Variants in ALOX5AP observed in about 807,000 individuals in gnomAD.
The protein encoded by ALOX5AP is arachidonate 5-lipoxygenase activating protein.
Under a neutral mutation model 18.5 loss-of-function variants are expected in ALOX5AP, and 9 were observed. The ratio of observed to expected loss-of-function variants is 0.49; its 90% CI spans 0.29 to 0.85. The LOEUF (loss-of-function observed/expected upper bound fraction) is 0.85. ALOX5AP is among the 40% of genes least tolerant of loss of function. The pLI, the probability that ALOX5AP is intolerant of heterozygous loss-of-function variation, is 0.08. For synonymous variants in ALOX5AP, 81 were observed against 78.6 expected (o/e 1.03, Z -0.16); for missense variants, 172 against 202.5 (o/e 0.85, Z 0.91).
At chr13:30,760,926 A>G (rs1951936900) in intron 4 of ALOX5AP, among the ~76,000 whole-genome samples, 1 of 152,148 alleles carries the variant, frequency 6.6e-6, no homozygotes, top group African/African-American at 2.4e-5. Context: ...AAATAGAAAC[A>G]TGAAAGAGAT....
chr13:30,714,904 C>A (rs9579637), intron 1 of ALOX5AP, among the ~76,000 whole-genome samples: 11 of 152,032 alleles, frequency 7.2e-5, no homozygotes, highest in Admixed American at 6.6e-5. Context: ...ATCATATTAC[C>A]CACTGTACTC....
chr13:30,756,976 A>T (rs1419285842), intron 4 of ALOX5AP, among the ~76,000 whole-genome samples: 1 of 152,326 alleles, frequency 6.6e-6, no homozygotes, highest in East Asian at 1.9e-4. Context: ...AGTAAAATAC[A>T]TGCTAATACT....
At chr13:30,729,497 T>C (rs1040700475) in intron 1 of ALOX5AP, among the ~76,000 whole-genome samples, 2 of 152,120 alleles carry the variant, frequency 1.3e-5, no homozygotes, top group East Asian at 1.9e-4. Flanking sequence ...GCCATGCCCA[T>C]GACTGACCTC....
At chr13:30,723,294 G>A (rs1951608642) in intron 1 of ALOX5AP, among the ~76,000 whole-genome samples, 1 of 152,212 alleles carries the variant, frequency 6.6e-6, no homozygotes, top group South Asian at 2.1e-4. Flanking sequence ...CATAAGGTCT[G>A]TGTCTAGATT....
intron 1 of ALOX5AP, among the ~76,000 whole-genome samples, chr13:30,716,876 A>G (rs948768043): frequency 6.6e-6 from 1 of 152,256 alleles, no homozygotes. Flanking sequence ...CACACAGCAC[A>G]GAGTCCAGGA....
intron 3 of ALOX5AP, among the ~76,000 whole-genome samples, chr13:30,755,530 C>T (rs184755607): frequency 3.5e-4 from 53 of 152,268 alleles, no homozygotes; most frequent in African/African-American, 1.2e-3. Flanking sequence ...CAGGAGTGTC[C>T]AGTCTTTTGG....
At chr13:30,732,833 AAG>A (rs375319951), upstream of ALOX5AP, among the ~76,000 whole-genome samples, 74 of 152,040 alleles carry the variant, frequency 4.9e-4, no homozygotes, top group African/African-American at 1.7e-3. Flanking sequence ...AGAGAAGGGA[AAG>A]AGAGAGAGAA....
At chr13:30,751,903 C>A in intron 2 of ALOX5AP, 149 bp from the exon 3 acceptor site, 1 of 740,498 alleles carries the variant, frequency 1.4e-6, no homozygotes, top group Non-Finnish European at 2.2e-6. Flanking sequence ...GCTGCCCCAT[C>A]TTATTGGGTA....
intron 4 of ALOX5AP, among the ~76,000 whole-genome samples, chr13:30,761,713 C>G (rs1951943227): frequency 6.6e-6 from 1 of 152,168 alleles, no homozygotes; most frequent in African/African-American, 2.4e-5. Flanking sequence ...CAGCCTCTCT[C>G]CTTGGCTTAT....
intron 2 of ALOX5AP, among the ~76,000 whole-genome samples, chr13:30,746,572 T>C (rs1593439309): frequency 6.6e-6 from 1 of 152,204 alleles, no homozygotes; most frequent in Non-Finnish European, 1.5e-5. Context: ...AGGCAGCTGG[T>C]CTGTTTGCCT....
At chr13:30,740,215 G>A (rs9670460) in intron 1 of ALOX5AP, among the ~76,000 whole-genome samples, 6,247 of 152,188 alleles carry the variant, frequency 0.041, 421 homozygotes, top group African/African-American at 0.14. Flanking sequence ...TTATTTTTTT[G>A]AGAACTATGT....
At chr13:30,752,801 T>C (rs1191662689) in intron 3 of ALOX5AP, among the ~76,000 whole-genome samples, 2 of 152,212 alleles carry the variant, frequency 1.3e-5, no homozygotes, top group Non-Finnish European at 2.9e-5. Flanking sequence ...TTAAGACTTA[T>C]TGTTGTCTCC....
rs764814001 is a variant in ALOX5AP, at chr13:30,735,609, G to A, written c.4G>A (p.Asp2Asn). The change falls in exon 1 of 5, where the codon GAT becomes AAT. Residue 2 changes from aspartate to asparagine, a missense_variant. Physicochemically the swap from Asp to Asn is conservative, Grantham distance 23. Coordinates refer to ENST00000380490, the MANE Select transcript of ALOX5AP (RefSeq NM_001629.4). The part of the protein sequence containing the change: M[D>N]QETVGNVVLL... ...CTCTGGGGAGCCTGAAGCAAACATG[G>A]ATCAAGAAACTGTAGGCAATGTTGT... The A allele has an allele frequency of 6.2e-7, 1 of 1,614,030 alleles. No individual in the cohort carries two copies. The highest frequency in any genetic ancestry group is 1.3e-5 in the African/African-American group (1 of 74,906).
chr13:30,733,956 C>T (rs2137800207), upstream of ALOX5AP, among the ~76,000 whole-genome samples: 1 of 152,248 alleles, frequency 6.6e-6, no homozygotes, highest in East Asian at 1.9e-4. Context: ...TGCACCATTG[C>T]CCTCCTTGAT....
intron 1 of ALOX5AP, chr13:30,742,250 A>T (rs1454419821): frequency 6.6e-6 from 1 of 151,972 alleles, no homozygotes; most frequent in Non-Finnish European, 1.5e-5. Flanking sequence ...CTGGAGGTGG[A>T]GGTTGCAGTG....
chr13:30,716,478 T>C (rs897625669), intron 1 of ALOX5AP, among the ~76,000 whole-genome samples: 1 of 152,250 alleles, frequency 6.6e-6, no homozygotes, highest in African/African-American at 2.4e-5. Context: ...AGAATCTGCA[T>C]TTTATCAGAT....
At chr13:30,757,536 T>G (rs1402701440) in intron 4 of ALOX5AP, among the ~76,000 whole-genome samples, 3 of 152,172 alleles carry the variant, frequency 2.0e-5, no homozygotes, top group Non-Finnish European at 4.4e-5. Flanking sequence ...TCCCATGTGA[T>G]TACCTCGTTA....
At chr13:30,727,053 A>AT (rs1951644693) in intron 1 of ALOX5AP, among the ~76,000 whole-genome samples, 2 of 84,204 alleles carry the variant, frequency 2.4e-5, no homozygotes, top group African/African-American at 9.5e-5. Flanking sequence ...CAGAAGCATG[A>AT]TTTTGCCTTT....
intron 2 of ALOX5AP, among the ~76,000 whole-genome samples, chr13:30,748,638 A>G (rs1037849804): frequency 6.6e-6 from 1 of 152,256 alleles, no homozygotes; most frequent in African/African-American, 2.4e-5. Context: ...TCAATAGGAA[A>G]GACATTTCCA....
Sources: gnomAD v4.1 joint callset for allele counts (sites outside exome capture counted in the v4.1 genomes callset) on GRCh38, gnomAD v4.1.1 for gene constraint, MANE v1.5 for transcripts, NCBI Gene and HGNC (gene_info 2026-07-23, HGNC 2026-07-21) for gene names.